SLC20A2: variants seen among roughly 807,000 people sequenced by gnomAD.
SLC20A2 encodes the protein solute carrier family 20 member 2.
In SLC20A2, 30 loss-of-function variants were observed where a neutral mutation model predicts 61.0. The observed-to-expected ratio is 0.49, with a 90% CI of 0.37 to 0.67. SLC20A2 has a LOEUF of 0.67. SLC20A2 is among the 30% of genes least tolerant of loss of function. The pLI, the probability that SLC20A2 is intolerant of heterozygous loss-of-function variation, is 0.00. For synonymous variants in SLC20A2, 351 were observed against 353.3 expected, an observed-to-expected ratio of 0.99 and a Z score of 0.07; for missense variants, 626 against 866.4, an observed-to-expected ratio of 0.72 and a Z score of 3.48.
At chr8:42,531,903 C>T (rs1237285624) in intron 1 of SLC20A2, among the ~76,000 whole-genome samples, 2 of 151,408 alleles carry the variant, frequency 1.3e-5, no homozygotes, top group African/African-American at 2.4e-5. Flanking sequence ...ACTGCAACCT[C>T]GGCCTCCCGG....
chr8:42,528,855 C>T (rs1188973261), intron 1 of SLC20A2, among the ~76,000 whole-genome samples: 1 of 151,856 alleles, frequency 6.6e-6, no homozygotes, highest in African/African-American at 2.4e-5. Context: ...TTAGTAGAAA[C>T]GGGGTTTCTC....
At chr8:42,440,941 C>T (rs1804727862) in intron 6 of SLC20A2, among the ~76,000 whole-genome samples, 1 of 151,694 alleles carries the variant, frequency 6.6e-6, no homozygotes. Context: ...GCTGGGACTA[C>T]AGGTGCGTGC....
chr8:42,473,432 G>A (rs967347505), intron 1 of SLC20A2, among the ~76,000 whole-genome samples: 1 of 152,044 alleles, frequency 6.6e-6, no homozygotes, highest in Non-Finnish European at 1.5e-5. Context: ...AGAAAGACCA[G>A]GCACACTCTC....
intron 1 of SLC20A2, among the ~76,000 whole-genome samples, chr8:42,527,768 C>CA (rs200694785): frequency 1.5e-4 from 22 of 144,778 alleles, no homozygotes; most frequent in East Asian, 6.0e-4. Flanking sequence ...AACTCCGTCT[C>CA]AAAAAAAATA....
intron 1 of SLC20A2, among the ~76,000 whole-genome samples, chr8:42,496,387 G>C (rs969012221): frequency 1.3e-5 from 2 of 152,112 alleles, no homozygotes; most frequent in Non-Finnish European, 2.9e-5. Flanking sequence ...TATACAAAAG[G>C]GCACAGGCAT....
chr8:42,498,627 C>T (rs908062555), intron 1 of SLC20A2, among the ~76,000 whole-genome samples: 1 of 152,122 alleles, frequency 6.6e-6, no homozygotes, highest in Non-Finnish European at 1.5e-5. Context: ...CAGCCTTCCT[C>T]CTGAGGGCCA....
At chr8:42,451,646 A>G (rs866641960) in intron 5 of SLC20A2, among the ~76,000 whole-genome samples, 289 of 106,096 alleles carry the variant, frequency 2.7e-3, no homozygotes, top group African/African-American at 9.2e-3. Flanking sequence ...ATGAAGAGGA[A>G]GAGGAGGAAG....
rs187171256 is a variant in SLC20A2, at chr8:42,458,841, G to A, written c.613+1055C>T. On this transcript the variant is annotated intron_variant, in intron 5 of 10. Transcript: ENST00000520262. ...GGAGAATGGCATGAACCCAGGAGGC[G>A]GAGCTTGCAGTGAGCCAAGATAGCG... 2.3e-3 allele frequency among the ~76,000 whole-genome samples: 349 copies of A among 151,504 alleles called. 3 individuals are homozygous for A. Among genetic ancestry groups the A allele is most frequent in the African/African-American group, 7.9e-3 (324 of 41,260 alleles).
chr8:42,476,254 A>G (rs1368855560), intron 1 of SLC20A2, among the ~76,000 whole-genome samples: 1 of 151,038 alleles, frequency 6.6e-6, no homozygotes, highest in African/African-American at 2.4e-5. Flanking sequence ...GCCCGCCACC[A>G]CGCCCGGCTA....
chr8:42,539,114 A>C (rs1447664669), intron 1 of SLC20A2, among the ~76,000 whole-genome samples: 1 of 152,198 alleles, frequency 6.6e-6, no homozygotes, highest in South Asian at 2.1e-4. Flanking sequence ...CCCAAAGAGA[A>C]AATGCCTTTA....
chr8:42,486,049 T>C (rs552458866), intron 1 of SLC20A2, among the ~76,000 whole-genome samples: 1 of 152,278 alleles, frequency 6.6e-6, no homozygotes, highest in Admixed American at 6.5e-5. Context: ...TGCTCTTTCA[T>C]ATTTTAAATT....
Position 42,430,142 on chromosome 8 carries a change from A to G in SLC20A2, c.1631T>C (p.Ile544Thr). 1 of 1,614,050 alleles carries G rather than the reference A, an allele frequency of 6.2e-7. No homozygotes were observed. The highest frequency in any genetic ancestry group is 8.5e-7 in the Non-Finnish European group (1 of 1,179,982). Reference sequence around the variant, plus strand: ...CCCCCAGACCCAGAGGCCTGTGCAGATTCCAACTCCTCCATAAAACAGCAG... The same window carrying G: ...CCCCCAGACCCAGAGGCCTGTGCAGGTTCCAACTCCTCCATAAAACAGCAG... ...VWLLFYGGVGICTGLWVWGRR... is the reference protein window; with the variant it reads ...VWLLFYGGVGTCTGLWVWGRR... The change falls in exon 9 of 11, where the codon ATC (isoleucine) becomes ACC (threonine). Residue 544 changes from isoleucine to threonine, a missense_variant. Coordinates refer to ENST00000520262, the MANE Select transcript of SLC20A2 (RefSeq NM_001257180.2).
chr8:42,518,264 T>C (rs1047546380), intron 1 of SLC20A2, among the ~76,000 whole-genome samples: 11 of 152,126 alleles, frequency 7.2e-5, no homozygotes, highest in Admixed American at 2.6e-4. Context: ...AAAGGAAACA[T>C]CCTGAATGTC....
At chr8:42,443,266 TATATATATATATATATATATATATATATA>T (rs1804932748) in intron 6 of SLC20A2, among the ~76,000 whole-genome samples, 17 of 93,436 alleles carry the variant, frequency 1.8e-4, no homozygotes, top group East Asian at 6.4e-4. Context: ...TATTATAGGA[TATATATATATATATATATATATATATATA>T]TATATATATA....
intron 1 of SLC20A2, among the ~76,000 whole-genome samples, chr8:42,475,256 T>C (rs150264792): frequency 1.2e-4 from 19 of 152,172 alleles, no homozygotes; most frequent in African/African-American, 4.3e-4. Flanking sequence ...TGCACCATTA[T>C]ACCCTACTAA....
Position 42,437,095 on chromosome 8 carries a change from C to T in SLC20A2, c.1417G>A (p.Glu473Lys). The T allele has an allele frequency of 6.2e-7, 1 of 1,614,112 alleles. No homozygotes were observed. The highest frequency in any genetic ancestry group is 1.1e-5 in the South Asian group (1 of 91,086). ...PDQPREDPAE[E>K]EKEEKDAPEV... is the part of the protein sequence containing the mutation. ...GGTGCGTCCTTCTCCTCCTTCTCCT[C>T]CTCTGCAGGGTCCTCTCGCGGCTGG... The change falls in exon 8 of 11, where the codon GAG (glutamate) becomes AAG (lysine). Residue 473 changes from glutamate (E) to lysine (K), a missense_variant. By Grantham distance (56) the Glu-to-Lys change is moderately conservative. Coordinates refer to ENST00000520262, the MANE Select transcript of SLC20A2 (RefSeq NM_001257180.2). This position sits in a 1 kb window ranked among gnomAD's most constrained non-coding sequence, Gnocchi z 6.4.
At chr8:42,430,375 T>G in intron 8 of SLC20A2, 126 bp from the exon 9 acceptor site, 5 of 864,896 alleles carry the variant, frequency 5.8e-6, no homozygotes, top group Non-Finnish European at 8.6e-6. Context: ...TTCTTTCTTT[T>G]TTTTTGAGAC....
chr8:42,524,812 A>T (rs544435463), intron 1 of SLC20A2, among the ~76,000 whole-genome samples: 1 of 128,434 alleles, frequency 7.8e-6, no homozygotes, highest in South Asian at 2.5e-4. Flanking sequence ...TAAATAAATA[A>T]AAATAAAAAT....
intron 3 of SLC20A2, among the ~76,000 whole-genome samples, chr8:42,464,092 C>CTTTTTT (rs1170751054): frequency 0.011 from 216 of 20,550 alleles, 69 homozygotes; most frequent in East Asian, 0.039. Flanking sequence ...GCTGGATGAT[C>CTTTTTT]TTTTTTTTTT....
Sources: allele counts gnomAD v4.1 joint callset (sites outside exome capture counted in the v4.1 genomes callset), GRCh38; gene constraint gnomAD v4.1.1; non-coding constraint Gnocchi (gnomAD v3.1); transcripts MANE v1.5; gene names NCBI Gene and HGNC (gene_info 2026-07-23, HGNC 2026-07-21).